FAXDC2: variants seen among roughly 807,000 people sequenced by gnomAD.
FAXDC2 encodes the protein fatty acid hydroxylase domain-containing protein 2.
A neutral mutation model predicts 40.9 loss-of-function variants in FAXDC2; 41 were observed. The observed-to-expected ratio is 1.00, with a 90% confidence interval of 0.78 to 1.30. The LOEUF is 1.30. FAXDC2 is among the 50% of genes most tolerant of loss of function. The pLI is 0.00. For missense variants in FAXDC2, 390 were observed against 408.8 expected (o/e 0.95, Z 0.40); for synonymous variants, 157 against 149.3 (o/e 1.05, Z -0.38).
At chr5:154,823,769 G>C in intron 5 of FAXDC2, 177 bp from the exon 6 acceptor site, 2 of 598,552 alleles carry the variant, frequency 3.3e-6, no homozygotes, top group Admixed American at 2.9e-5. Flanking sequence ...ATAAGGCCCT[G>C]GCTGCTAGGC....
At chr5:154,835,165 G>C (rs1760311308) in intron 2 of FAXDC2, 10 of 483,816 alleles carry the variant, frequency 2.1e-5, no homozygotes, top group South Asian at 1.2e-4. Context: ...AGTTGGGGGA[G>C]GGAAGGGAAT....
At chr5:154,850,378 G>T (rs1285622552) in intron 1 of FAXDC2, 105 bp downstream of exon 1, 1 of 152,274 alleles carries the variant, frequency 6.6e-6, no homozygotes, top group Non-Finnish European at 1.5e-5. Context: ...AGAGGACAGG[G>T]TGGTGGCAGA....
intron 5 of FAXDC2, among the ~76,000 whole-genome samples, chr5:154,825,315 C>T (rs1258118402): frequency 2.8e-5 from 4 of 141,320 alleles, no homozygotes; most frequent in Admixed American, 7.3e-5. Context: ...AGTGAGCCAC[C>T]GAGATCATGC....
chr5:154,820,691 G>A (rs1370449525), intron 8 of FAXDC2: 7 of 458,894 alleles, frequency 1.5e-5, no homozygotes, highest in African/African-American at 4.1e-5. Flanking sequence ...GTCCTCCTTT[G>A]AAAAGCTTGC....
intron 1 of FAXDC2, among the ~76,000 whole-genome samples, chr5:154,842,512 GTTTT>G (rs772426610): frequency 5.8e-5 from 3 of 51,584 alleles, no homozygotes; most frequent in Non-Finnish European, 1.1e-4. Flanking sequence ...CCCTTTGTGT[GTTTT>G]TTTTTTTTTT....
intron 1 of FAXDC2, among the ~76,000 whole-genome samples, chr5:154,843,667 T>C (rs1760532040): frequency 6.6e-6 from 1 of 152,234 alleles, no homozygotes; most frequent in Non-Finnish European, 1.5e-5. Context: ...AAGAATGCTG[T>C]TTTTAGTCAG....
chr5:154,850,333 C>T (rs1760698545), intron 1 of FAXDC2, 150 bp downstream of exon 1: 1 of 152,210 alleles, frequency 6.6e-6, no homozygotes, highest in South Asian at 2.1e-4. Context: ...CCATCTAACC[C>T]TGTTTAGAGG....
At chr5:154,822,417 G>C in intron 7 of FAXDC2, 55 bp downstream of exon 7, 1 of 1,263,880 alleles carries the variant, frequency 7.9e-7, no homozygotes, top group Non-Finnish European at 1.2e-6. Flanking sequence ...AGACCTTCAG[G>C]AAGGTGGTTG....
chr5:154,838,253 C>G lies in FAXDC2; in HGVS notation c.1-75G>C, dbSNP rs1338441509. ...TAAGGAAGTAGGGAGTGGAGAAAGT[C>G]AAAGTGTATGGCTAGCAGTGATTTT... is the stretch of plus-strand genomic sequence containing the variant. On this transcript the variant is annotated intron_variant, in intron 1 of 8. Coordinates refer to ENST00000326080, the MANE Select transcript of FAXDC2 (RefSeq NM_032385.5). The G allele has an allele frequency of 2.0e-5, 26 of 1,317,818 alleles. 1 individual carries two copies. The Middle Eastern group carries it at 5.5e-4, about 28-fold the overall frequency. The allele number at this position is 1,317,818 out of a possible 1,614,324, so 81.6% of individuals were successfully genotyped here. A position where few individuals can be genotyped will look rare whatever the true frequency, so the allele number is the denominator to read the frequency against.
chr5:154,820,272 A>G lies in FAXDC2; in HGVS notation c.*44T>C, dbSNP rs376971184. The G allele has an allele frequency of 2.7e-5, 41 of 1,506,636 alleles. No individual in the cohort carries two copies. Among genetic ancestry groups the G allele is most frequent in the Non-Finnish European group, 3.5e-5 (39 of 1,112,884 alleles). The allele number at this position is 1,506,636 out of a possible 1,614,324, so 93.3% of individuals were successfully genotyped here. ...GGTGCAATCAGGAAGCCGTGTCTGC[A>G]TCCCATGGCTGAGGGACAGCCAGGA... is the stretch of plus-strand genomic sequence containing the variant. On this transcript the variant is annotated 3_prime_UTR_variant, in exon 9 of 9. Coordinates refer to ENST00000326080, the MANE Select transcript of FAXDC2 (RefSeq NM_032385.5).
chr5:154,837,622 A>C (rs1760382138), intron 2 of FAXDC2, among the ~76,000 whole-genome samples: 2 of 152,176 alleles, frequency 1.3e-5, no homozygotes, highest in South Asian at 2.1e-4. Flanking sequence ...TCAGTTTCAC[A>C]TACAGGATTA....
Position 154,820,015 on chromosome 5 carries a change from C to A in FAXDC2, c.*301G>T. On this transcript the variant is annotated 3_prime_UTR_variant, in exon 9 of 9. Coordinates refer to ENST00000326080, the MANE Select transcript of FAXDC2 (RefSeq NM_032385.5). The stretch of plus-strand genomic sequence containing the variant: ...CACAAAGGAGTTATCTGGGGCTGAA[C>A]CCCTCTCCTTCCACAGCAGAGGACC... 4.1e-6 allele frequency: 1 copy of A among 246,500 alleles called. No homozygotes were observed. Among genetic ancestry groups the A allele is most frequent in the South Asian group, 8.1e-5 (1 of 12,318 alleles). The allele number at this position is 246,500 out of a possible 1,614,324, so 15.3% of individuals were successfully genotyped here. A position where few individuals can be genotyped will look rare whatever the true frequency, so the allele number is the denominator to read the frequency against.
chr5:154,840,978 T>C (rs886266391), intron 1 of FAXDC2, among the ~76,000 whole-genome samples: 2 of 152,184 alleles, frequency 1.3e-5, no homozygotes, highest in Non-Finnish European at 2.9e-5. Flanking sequence ...TCATTACCAC[T>C]GTGAGTCCCA....
chr5:154,832,481 G>A (rs1377583391), intron 4 of FAXDC2, among the ~76,000 whole-genome samples: 2 of 152,066 alleles, frequency 1.3e-5, no homozygotes, highest in Non-Finnish European at 2.9e-5. Context: ...GATTACAGGC[G>A]TGAGCCACTG....
At chr5:154,845,391 T>G (rs1019196697) in intron 1 of FAXDC2, among the ~76,000 whole-genome samples, 9 of 152,268 alleles carry the variant, frequency 5.9e-5, no homozygotes, top group African/African-American at 2.2e-4. Flanking sequence ...TACACTGAAG[T>G]ACCATAGTCA....
At position 154,822,568 on chromosome 5, in the gene FAXDC2, G is replaced by A; in HGVS notation, c.582C>T (p.His194=). The change falls in exon 7 of 9, where the codon CAC becomes CAT. Residue 194 remains histidine (H), a synonymous_variant. Coordinates refer to ENST00000326080, the MANE Select transcript of FAXDC2 (RefSeq NM_032385.5). ...VLFYYSHRLL[H]HPTFYKKIHK... ...GGATTTTCTTGTAGAATGTTGGGTG[G>A]TGAAGGAGCCTGGGGAAATAGTTAA... 1 of 1,613,426 alleles carries A rather than the reference G, an allele frequency of 6.2e-7. No individual in the cohort carries two copies. Among genetic ancestry groups the A allele is most frequent in the South Asian group, 1.1e-5 (1 of 91,072 alleles).
intron 1 of FAXDC2, among the ~76,000 whole-genome samples, chr5:154,847,902 C>T (rs1172489087): frequency 6.7e-5 from 10 of 149,870 alleles, no homozygotes; most frequent in Admixed American, 1.3e-4. Context: ...TGCAGTGGCG[C>T]GATCTTGGCT....
At chr5:154,843,484 T>G (rs972129354) in intron 1 of FAXDC2, among the ~76,000 whole-genome samples, 7 of 152,220 alleles carry the variant, frequency 4.6e-5, no homozygotes, top group African/African-American at 1.7e-4. Flanking sequence ...TATATCAAAG[T>G]ACTGGGCTAG....
At chr5:154,844,527 C>T (rs1760552443) in intron 1 of FAXDC2, among the ~76,000 whole-genome samples, 1 of 152,078 alleles carries the variant, frequency 6.6e-6, no homozygotes, top group African/African-American at 2.4e-5. Context: ...TTGGACAATC[C>T]ATTTTTCCCT....
Sources: allele counts gnomAD v4.1 joint callset (sites outside exome capture counted in the v4.1 genomes callset), GRCh38; gene constraint gnomAD v4.1.1; transcripts MANE v1.5; gene names NCBI Gene and HGNC (gene_info 2026-07-23, HGNC 2026-07-21).